Variants in TRAPPC8 observed in about 807,000 individuals in gnomAD.
TRAPPC8 encodes the protein trafficking protein particle complex subunit 8, also known as general sporulation gene 1 homolog.
Under a neutral mutation model 174.3 loss-of-function variants are expected in TRAPPC8, and 54 were observed. The ratio of observed to expected loss-of-function variants is 0.31; its 90% CI spans 0.25 to 0.39. TRAPPC8 has a LOEUF of 0.39. TRAPPC8 is among the 10% of genes least tolerant of loss of function. The pLI is 1.00. For synonymous variants in TRAPPC8, 630 were observed against 579.9 expected, an observed-to-expected ratio of 1.09 and a Z score of -1.24; for missense variants, 1,531 against 1,699.1, an observed-to-expected ratio of 0.90 and a Z score of 1.74.
intron 1 of TRAPPC8, among the ~76,000 whole-genome samples, chr18:31,933,994 C>A (rs775893739): frequency 3.3e-5 from 5 of 151,996 alleles, no homozygotes; most frequent in Non-Finnish European, 5.9e-5. Flanking sequence ...TCGAGACCAG[C>A]CTGGCCAACA....
intron 27 of TRAPPC8, among the ~76,000 whole-genome samples, chr18:31,837,052 G>A (rs982149347): frequency 8.6e-5 from 13 of 151,934 alleles, no homozygotes; most frequent in Admixed American, 3.3e-4. Context: ...GTGAGCCACC[G>A]CGCCCGGCCC....
chr18:31,924,854 G>A (rs1434513012), intron 2 of TRAPPC8, among the ~76,000 whole-genome samples: 1 of 151,734 alleles, frequency 6.6e-6, no homozygotes, highest in African/African-American at 2.4e-5. Context: ...GATGTTGGCA[G>A]GGATCTGAGA....
chr18:31,914,135 A>T (rs1215048801), intron 4 of TRAPPC8, among the ~76,000 whole-genome samples: 1 of 147,878 alleles, frequency 6.8e-6, no homozygotes, highest in Non-Finnish European at 1.5e-5. Context: ...CCCATCTCAA[A>T]AAAAAAAAAA....
chr18:31,840,199 C>T (rs967821490), intron 26 of TRAPPC8, among the ~76,000 whole-genome samples: 1 of 152,050 alleles, frequency 6.6e-6, no homozygotes, highest in African/African-American at 2.4e-5. Flanking sequence ...TCTACTAAAA[C>T]TATACAAATT....
rs529502780 is a variant in TRAPPC8, at chr18:31,897,523, G to A, written c.1596+263C>T. 1.8e-4 allele frequency among the ~76,000 whole-genome samples: 27 copies of A among 152,148 alleles called. 1 individual carries two copies. The South Asian group carries it at 5.0e-3, about 28-fold the overall frequency. On this transcript the variant is annotated intron_variant, in intron 11 of 28. Coordinates refer to ENST00000283351, the MANE Select transcript of TRAPPC8 (RefSeq NM_014939.5). ...AATATTCTTATTCAAAGGACAAAACGTAATAAGTCACAGAGTATGCTCAAT... is the reference window on the plus strand; with the variant it reads ...AATATTCTTATTCAAAGGACAAAACATAATAAGTCACAGAGTATGCTCAAT...
At position 31,942,858 on chromosome 18, in the gene TRAPPC8, T is replaced by C. The variant is rs1366222121; in HGVS notation, c.-94A>G. 1 of 1,257,080 alleles carries C rather than the reference T, an allele frequency of 8.0e-7. No homozygotes were observed. Among genetic ancestry groups the C allele is most frequent in the Non-Finnish European group, 1.0e-6 (1 of 1,000,022 alleles). The allele number at this position is 1,257,080 out of a possible 1,614,324, so 77.9% of individuals were successfully genotyped here. On this transcript the variant is annotated 5_prime_UTR_variant, in exon 1 of 29. Transcript: ENST00000283351. ...CAGCTACCGCCGCCGCCCGCCGGCC[T>C]GGCCCGGCCGGGCGGGGCCCCGAAC...
chr18:31,897,800 G>A lies in TRAPPC8; in HGVS notation c.1582C>T (p.Arg528Trp), dbSNP rs370236849. ...AGTTTCAGTACCTCACTGGTCAACC[G>A]TATTAGGAGAGCTGCAGCCTCTGAA... ...KYSEAAALLI[R>W]LTSEDSDLRS... The change falls in exon 11 of 29, where the codon CGG (arginine) becomes TGG (tryptophan). Residue 528 changes from arginine (R) to tryptophan (W), a missense_variant. Coordinates refer to ENST00000283351, the MANE Select transcript of TRAPPC8 (RefSeq NM_014939.5). 4.4e-6 allele frequency: 7 copies of A among 1,608,614 alleles called. No homozygotes were observed. Among genetic ancestry groups the A allele is most frequent in the South Asian group, 1.1e-5 (1 of 90,228 alleles).
Position 31,873,425 on chromosome 18 carries a change from C to G in TRAPPC8, c.2062+5G>C. On this transcript the variant is annotated splice_donor_5th_base_variant and intron_variant, in intron 14 of 28. Transcript: ENST00000283351. ...GGTAATTAGGCTAAATAAAACTTTA[C>G]TAACCATCCGCTGGTCGTCTGTCAT... The G allele has an allele frequency of 6.2e-7, 1 of 1,607,410 alleles. No homozygotes were observed. The highest frequency in any genetic ancestry group is 1.1e-5 in the South Asian group (1 of 90,024).
rs1050466158 is a variant in TRAPPC8, at chr18:31,886,627, C to T, written c.1728+4108G>A. 1.6e-4 allele frequency among the ~76,000 whole-genome samples: 24 copies of T among 152,156 alleles called. 1 individual carries two copies. Among genetic ancestry groups the T allele is most frequent in the African/African-American group, 5.8e-4 (24 of 41,438 alleles). On this transcript the variant is annotated intron_variant, in intron 12 of 28. Transcript: ENST00000283351. ...TTTTTTACTGACTACTTTCATGCCA[C>T]TTCTTTTTAAAATGCACTTTACTTT... is the stretch of plus-strand genomic sequence containing the variant.
chr18:31,867,605 G>T, intron 16 of TRAPPC8, 129 bp from the exon 17 acceptor site: 2 of 523,204 alleles, frequency 3.8e-6, no homozygotes, highest in Non-Finnish European at 6.6e-6. Flanking sequence ...TTTACCACAT[G>T]CTGAGCTCTA....
chr18:31,933,228 C>A (rs556906288), intron 1 of TRAPPC8, among the ~76,000 whole-genome samples: 1 of 139,502 alleles, frequency 7.2e-6, no homozygotes, highest in African/African-American at 2.7e-5. Flanking sequence ...GTGAACCCGG[C>A]GGGCGGAGCT....
At chr18:31,934,047 G>T (rs1568155572) in intron 1 of TRAPPC8, among the ~76,000 whole-genome samples, 1 of 152,036 alleles carries the variant, frequency 6.6e-6, no homozygotes, top group East Asian at 1.9e-4. Context: ...AATTAGCCAG[G>T]CATGGTGGCA....
chr18:31,875,408 CCCAG>C (rs1015608523), intron 12 of TRAPPC8, among the ~76,000 whole-genome samples: 1 of 146,036 alleles, frequency 6.8e-6, no homozygotes, highest in Non-Finnish European at 1.5e-5. Flanking sequence ...CCATGCTGAT[CCCAG>C]CCTGCCTGCC....
Position 31,935,548 on chromosome 18 carries a change from T to TGAAAAAAAAAAAAAAAAAAAAAAAAA in TRAPPC8, c.158-4026_158-4025insTTTTTTTTTTTTTTTTTTTTTTTTTC, listed in dbSNP as rs745488703. Among the ~76,000 whole-genome samples, 51 of 46,228 alleles carry TGAAAAAAAAAAAAAAAAAAAAAAAAA rather than the reference T, an allele frequency of 1.1e-3. 7 individuals are homozygous for TGAAAAAAAAAAAAAAAAAAAAAAAAA. The highest frequency in any genetic ancestry group is 1.4e-3 in the Admixed American group (4 of 2,824). The allele number at this position is 46,228 out of a possible 152,430, so 30.3% of individuals were successfully genotyped here. ...GGGCAACAAGAGCGAAACTCCATCTTAAAAAAAAAAAAAAAAAAAAGCAGG... is the reference window on the plus strand; with the variant it reads ...GGGCAACAAGAGCGAAACTCCATCTTGAAAAAAAAAAAAAAAAAAAAAAAAAAAAAAAAAAAAAAAAAAAAAGCAGG... On this transcript the variant is annotated intron_variant, in intron 1 of 28. Coordinates refer to ENST00000283351, the MANE Select transcript of TRAPPC8 (RefSeq NM_014939.5).
chr18:31,899,630 A>G (rs1220198087), intron 10 of TRAPPC8, among the ~76,000 whole-genome samples: 1 of 152,184 alleles, frequency 6.6e-6, no homozygotes, highest in Non-Finnish European at 1.5e-5. Context: ...ACTACTACGT[A>G]AGTCTTCACT....
At chr18:31,904,684 A>C (rs1419516437) in intron 9 of TRAPPC8, among the ~76,000 whole-genome samples, 1 of 152,200 alleles carries the variant, frequency 6.6e-6, no homozygotes, top group Non-Finnish European at 1.5e-5. Flanking sequence ...TCACTGAAGA[A>C]GCTAAATAAA....
intron 7 of TRAPPC8, 137 bp from the exon 8 acceptor site, chr18:31,908,555 G>A: frequency 1.2e-6 from 1 of 858,004 alleles, no homozygotes; most frequent in Non-Finnish European, 1.7e-6. Flanking sequence ...TGTCCAATAT[G>A]CTGGCAAAAT....
intron 13 of TRAPPC8, chr18:31,873,765 TA>T (rs1279008780): frequency 2.6e-6 from 1 of 387,066 alleles, no homozygotes; most frequent in African/African-American, 2.1e-5. Context: ...CTCAGCTAAT[TA>T]CCTGGATGTT....
At chr18:31,915,478 G>GGT (rs1331000887) in intron 4 of TRAPPC8, among the ~76,000 whole-genome samples, 1 of 129,900 alleles carries the variant, frequency 7.7e-6, no homozygotes, top group Admixed American at 7.4e-5. Flanking sequence ...AAGGGGGGGG[G>GGT]GGCGCAGGCG....
Sources: allele counts gnomAD v4.1 joint callset (sites outside exome capture counted in the v4.1 genomes callset), GRCh38; gene constraint gnomAD v4.1.1; transcripts MANE v1.5; gene names NCBI Gene and HGNC (gene_info 2026-07-23, HGNC 2026-07-21).